The following SLC4A4 variants were observed in gnomAD, a reference collection of about 807,000 sequenced individuals.
SLC4A4 encodes electrogenic sodium bicarbonate cotransporter 1.
SLC4A4 carries 27 observed loss-of-function variants against 111.5 expected under a neutral mutation model. The observed-to-expected ratio is 0.24, with a 90% CI of 0.18 to 0.33. The LOEUF (loss-of-function observed/expected upper bound fraction) is 0.33, where lower values mean the gene tolerates loss of function less well. Among genes scored for constraint, SLC4A4 ranks in the 10% least tolerant of loss-of-function variants. The pLI, the probability that SLC4A4 is intolerant of heterozygous loss-of-function variation, is 1.00. For missense variants in SLC4A4, 909 were observed against 1,315.5 expected, an observed-to-expected ratio of 0.69 and a Z score of 4.78; for synonymous variants, 443 against 463.4, an observed-to-expected ratio of 0.96 and a Z score of 0.57.
chr4:71,557,345 A>G (rs1386983026), intron 21 of SLC4A4, among the ~76,000 whole-genome samples: 2 of 151,918 alleles, frequency 1.3e-5, no homozygotes, highest in Non-Finnish European at 2.9e-5. Context: ...AAGATACATG[A>G]GCTAGACATC....
At chr4:71,089,616 G>A (rs969792263) in intron 1 of SLC4A4, among the ~76,000 whole-genome samples, 2 of 152,064 alleles carry the variant, frequency 1.3e-5, no homozygotes, top group Admixed American at 1.3e-4. Flanking sequence ...CCTTCTAACA[G>A]TCAGGACCCT....
intron 6 of SLC4A4, among the ~76,000 whole-genome samples, chr4:71,393,440 A>G (rs1719500525): frequency 6.6e-6 from 1 of 152,164 alleles, no homozygotes; most frequent in Non-Finnish European, 1.5e-5. Flanking sequence ...TAAAATACTT[A>G]GGAATATACC....
At position 71,087,421 on chromosome 4, in the gene SLC4A4, C is replaced by T. The variant is rs565732527; in HGVS notation, c.-64-5309C>T. On this transcript the variant is annotated intron_variant, in intron 1 of 26. Coordinates refer to the SLC4A4 transcript ENST00000649996. ...CTATCTCCTTCAGTTCTGCTCTGATCTTAGTTATTTCTTGCCTTCTGCTAG... is the reference window on the plus strand; with the variant it reads ...CTATCTCCTTCAGTTCTGCTCTGATTTTAGTTATTTCTTGCCTTCTGCTAG... Among the ~76,000 whole-genome samples the T allele has an allele frequency of 2.4e-3, 360 of 152,090 alleles. 6 individuals are homozygous for T. The highest frequency in any genetic ancestry group is 8.4e-3 in the African/African-American group (348 of 41,412).
chr4:71,247,822 T>TC (rs36064005), intron 2 of SLC4A4, among the ~76,000 whole-genome samples: 1 of 152,030 alleles, frequency 6.6e-6, no homozygotes, highest in Non-Finnish European at 1.5e-5. Flanking sequence ...GTTCATGTCT[T>TC]CCCGTTGGGT....
At chr4:71,470,147 C>T (rs754008608) in intron 13 of SLC4A4, among the ~76,000 whole-genome samples, 1 of 151,932 alleles carries the variant, frequency 6.6e-6, no homozygotes, top group Non-Finnish European at 1.5e-5. Flanking sequence ...GACACTGACT[C>T]ATTGTATGAT....
intron 7 of SLC4A4, among the ~76,000 whole-genome samples, chr4:71,432,028 A>T (rs1346518032): frequency 6.6e-6 from 1 of 152,136 alleles, no homozygotes; most frequent in East Asian, 1.9e-4. Context: ...ACTTGGGGAA[A>T]AGACACTTTG....
intron 16 of SLC4A4, among the ~76,000 whole-genome samples, chr4:71,511,389 T>G (rs755012684): frequency 1.1e-4 from 17 of 151,980 alleles, no homozygotes; most frequent in Non-Finnish European, 1.9e-4. Context: ...TTTTTGGCAA[T>G]GTTTTCCCCT....
chr4:71,192,563 C>A (rs1475928183), intron 1 of SLC4A4, among the ~76,000 whole-genome samples: 1 of 152,150 alleles, frequency 6.6e-6, no homozygotes, highest in East Asian at 1.9e-4. Flanking sequence ...GAAGTAAGAA[C>A]TAAAGCAAAC....
At chr4:71,247,756 A>G (rs1720784268) in intron 2 of SLC4A4, among the ~76,000 whole-genome samples, 2 of 152,090 alleles carry the variant, frequency 1.3e-5, no homozygotes. Context: ...TGTGTACTGC[A>G]TATTACAATG....
Position 71,330,331 on chromosome 4 carries a change from G to A in SLC4A4, c.254-9039G>A, listed in dbSNP as rs1203085967. ...AATATAAGTCTCATAGAATGAGTTT[G>A]GAAGTAGTCTTTCCTCCTCTATTTT... On this transcript the variant is annotated intron_variant, in intron 3 of 25. Coordinates refer to ENST00000264485, the MANE Select transcript of SLC4A4 (RefSeq NM_001098484.3). Among the ~76,000 whole-genome samples the A allele has an allele frequency of 2.0e-5, 3 of 152,184 alleles. No homozygotes were observed. In the East Asian group the frequency reaches 5.8e-4, roughly 29 times the overall value.
chr4:71,164,583 TAA>T (rs1744692749), intron 2 of SLC4A4, among the ~76,000 whole-genome samples: 2 of 151,544 alleles, frequency 1.3e-5, no homozygotes, highest in South Asian at 4.2e-4. Flanking sequence ...CCGTAAGACC[TAA>T]AACCATAAAA....
intron 2 of SLC4A4, among the ~76,000 whole-genome samples, chr4:71,146,758 C>G (rs539418068): frequency 6.6e-6 from 1 of 152,140 alleles, no homozygotes; most frequent in East Asian, 1.9e-4. Context: ...TGGAAAGGAA[C>G]AACTGGTACC....
At chr4:71,513,342 C>A (rs1338898053) in intron 16 of SLC4A4, among the ~76,000 whole-genome samples, 1 of 152,044 alleles carries the variant, frequency 6.6e-6, no homozygotes, top group African/African-American at 2.4e-5. Context: ...AGATGTTTCA[C>A]CCCCTTGGTT....
intron 3 of SLC4A4, among the ~76,000 whole-genome samples, chr4:71,288,459 C>T (rs1391018653): frequency 4.0e-5 from 6 of 151,652 alleles, no homozygotes; most frequent in East Asian, 3.9e-4. Flanking sequence ...AGTGCAGTGG[C>T]GTGATCTCGG....
intron 3 of SLC4A4, among the ~76,000 whole-genome samples, chr4:71,336,832 G>A (rs1578864362): frequency 6.6e-6 from 1 of 152,342 alleles, no homozygotes. Flanking sequence ...GTGAATGGCA[G>A]CATCGTTTAC....
intron 3 of SLC4A4, among the ~76,000 whole-genome samples, chr4:71,332,189 A>ATC (rs1728055742): frequency 6.6e-6 from 1 of 150,644 alleles, no homozygotes; most frequent in African/African-American, 2.4e-5. Flanking sequence ...GATCTTTATT[A>ATC]TTTTTCTTCC....
intron 3 of SLC4A4, chr4:71,339,120 C>G (rs1284130641): frequency 2.5e-6 from 4 of 1,607,432 alleles, no homozygotes; most frequent in Middle Eastern, 3.8e-4. Flanking sequence ...ACACATCACA[C>G]AGAATTGGAG....
At chr4:71,491,784 G>C (rs976854683) in intron 15 of SLC4A4, among the ~76,000 whole-genome samples, 7 of 151,616 alleles carry the variant, frequency 4.6e-5, no homozygotes, top group African/African-American at 1.7e-4. Context: ...GAAGTTTGGT[G>C]ATGTTTTTGT....
At chr4:71,174,999 A>G (rs1745044503) in intron 2 of SLC4A4, among the ~76,000 whole-genome samples, 2 of 152,230 alleles carry the variant, frequency 1.3e-5, no homozygotes, top group South Asian at 4.1e-4. Context: ...GGGGTTAGAC[A>G]TTCTAGTCTT....
Sources: allele counts gnomAD v4.1 joint callset (sites outside exome capture counted in the v4.1 genomes callset), GRCh38; gene constraint gnomAD v4.1.1; transcripts MANE v1.5; gene names NCBI Gene and HGNC (gene_info 2026-07-23, HGNC 2026-07-21).